Variants in MSTO1 observed in about 807,000 individuals in gnomAD.
The protein encoded by MSTO1 is protein misato homolog 1.
Under a neutral mutation model 55.7 loss-of-function variants are expected in MSTO1, and 24 were observed. That is an observed-to-expected ratio of 0.43 (90% CI 0.31 to 0.61). The LOEUF (loss-of-function observed/expected upper bound fraction) is 0.61, where lower values mean the gene tolerates loss of function less well. Ranked by LOEUF, MSTO1 falls within the 20% of genes least tolerant of loss-of-function variation. The pLI is 0.09. For missense variants in MSTO1, 363 were observed against 625.7 expected (o/e 0.58, Z 4.48); for synonymous variants, 162 against 252.8 (o/e 0.64, Z 3.41).
the MSTO1 span, among the ~76,000 whole-genome samples, chr1:155,600,507 CAT>C: frequency 1.3e-5 from 2 of 152,116 alleles, no homozygotes; most frequent in African/African-American, 4.8e-5. Context: ...TTCCCCACAG[CAT>C]ATGTCCCTTT....
chr1:155,612,706 C>T (rs1558267044), intron 9 of MSTO1, 136 bp downstream of exon 9: 3 of 1,396,598 alleles, frequency 2.1e-6, no homozygotes, highest in Non-Finnish European at 2.9e-6. Context: ...TCTCAGATCA[C>T]ACTGTCCTAT....
the MSTO1 span, among the ~76,000 whole-genome samples, chr1:155,583,221 TC>T: frequency 6.7e-6 from 1 of 148,396 alleles, no homozygotes; most frequent in African/African-American, 2.6e-5. Context: ...AGAAGGTATA[TC>T]TTTTTTTTTT....
chr1:155,582,523 G>T, the MSTO1 span, among the ~76,000 whole-genome samples: 1 of 151,800 alleles, frequency 6.6e-6, no homozygotes. Flanking sequence ...GCAGTGGCAC[G>T]ATCTCGGCTC....
the MSTO1 span, chr1:155,598,786 C>T: frequency 2.0e-6 from 2 of 1,016,290 alleles, no homozygotes; most frequent in Non-Finnish European, 3.1e-6. Context: ...TTCTAGTCAC[C>T]TTGTAGTCAC....
At chr1:155,596,903 G>C in the MSTO1 span, among the ~76,000 whole-genome samples, 3 of 152,172 alleles carry the variant, frequency 2.0e-5, no homozygotes, top group Non-Finnish European at 4.4e-5. Flanking sequence ...AGGAGTTCAA[G>C]ACCAACCTGG....
upstream of MSTO1, among the ~76,000 whole-genome samples, chr1:155,605,888 T>C (rs945723766): frequency 6.6e-6 from 1 of 152,136 alleles, no homozygotes; most frequent in African/African-American, 2.4e-5. Context: ...TTGTGGAAAA[T>C]AGAAAAGGGA....
chr1:155,610,090 T>C (rs1673490105), upstream of MSTO1: 4 of 702,746 alleles, frequency 5.7e-6, no homozygotes, highest in Non-Finnish European at 9.2e-6. Context: ...TAGGAAGAGG[T>C]AGGAAGGGAT....
chr1:155,612,440 G>T lies in MSTO1; in HGVS notation c.836G>T (p.Arg279Leu). 1 of 1,613,510 alleles carries T rather than the reference G, an allele frequency of 6.2e-7. No individual in the cohort carries two copies. The highest frequency in any genetic ancestry group is 8.5e-7 in the Non-Finnish European group (1 of 1,179,744). Reference protein sequence around the residue: ...HRGEAQRNIYRLLNTAFGLVH... With the variant: ...HRGEAQRNIYLLLNTAFGLVH... Reference sequence around the variant, plus strand: ...CAGGAGGCCCAGAGAAACATCTATCGTCTATTAAACACAGCTTTTGGTCTC... The same window carrying T: ...CAGGAGGCCCAGAGAAACATCTATCTTCTATTAAACACAGCTTTTGGTCTC... The change falls in exon 9 of 14, where the codon CGT (arginine) becomes CTT (leucine). Residue 279 changes from arginine to leucine, a missense_variant. Arg to Leu is a moderately radical substitution (Grantham distance 102, BLOSUM62 -2). This residue lies in a region of MSTO1 where 231 missense variants were observed against 286.9 expected (regional missense o/e 0.81). Coordinates refer to ENST00000245564, the MANE Select transcript of MSTO1 (RefSeq NM_018116.4).
At chr1:155,598,559 T>A in the MSTO1 span, among the ~76,000 whole-genome samples, 1 of 152,102 alleles carries the variant, frequency 6.6e-6, no homozygotes, top group African/African-American at 2.4e-5. Flanking sequence ...CTGTCTCTAC[T>A]AAAAATACAA....
chr1:155,596,109 A>G, the MSTO1 span, among the ~76,000 whole-genome samples: 1 of 152,212 alleles, frequency 6.6e-6, no homozygotes, highest in South Asian at 2.1e-4. Context: ...GTGTGGAAAG[A>G]AAAAAATAAT....
At chr1:155,609,890 G>T, upstream of MSTO1, 1 of 255,082 alleles carries the variant, frequency 3.9e-6, no homozygotes, top group South Asian at 6.1e-5. Context: ...CCAGCGGAGA[G>T]ATCTGTGAGA....
the MSTO1 span, among the ~76,000 whole-genome samples, chr1:155,568,827 TTTTTTCTTTTTC>T: frequency 6.6e-4 from 94 of 141,862 alleles, 1 homozygote; most frequent in East Asian, 0.011. Flanking sequence ...CCCCCGGCCT[TTTTTTCTTTTTC>T]TTTTTCTTTT....
At chr1:155,585,846 A>G in the MSTO1 span, among the ~76,000 whole-genome samples, 1 of 151,756 alleles carries the variant, frequency 6.6e-6, no homozygotes, top group Non-Finnish European at 1.5e-5. Context: ...CCATTATTCT[A>G]TTTGTTGTTC....
the MSTO1 span, among the ~76,000 whole-genome samples, chr1:155,581,537 A>C: frequency 6.6e-6 from 1 of 151,420 alleles, no homozygotes; most frequent in Non-Finnish European, 1.5e-5. Flanking sequence ...TCAATCTCCC[A>C]AGTAGCTGGG....
chr1:155,573,489 A>G, the MSTO1 span, among the ~76,000 whole-genome samples: 19 of 152,032 alleles, frequency 1.2e-4, no homozygotes, highest in African/African-American at 4.6e-4. Context: ...GCTTGAGCTC[A>G]GGAGTTTGAA....
upstream of MSTO1, among the ~76,000 whole-genome samples, chr1:155,609,231 A>C (rs1485708850): frequency 2.1e-5 from 1 of 46,720 alleles, no homozygotes; most frequent in Non-Finnish European, 4.8e-5. Flanking sequence ...ATATATATAT[A>C]TATATATATA....
chr1:155,603,913 C>A, the MSTO1 span, among the ~76,000 whole-genome samples: 13 of 151,810 alleles, frequency 8.6e-5, no homozygotes, highest in Non-Finnish European at 1.8e-4. Context: ...GGTAGAAGTT[C>A]TTTTACATTC....
the MSTO1 span, among the ~76,000 whole-genome samples, chr1:155,566,613 AT>A: frequency 1.2e-3 from 176 of 146,220 alleles, no homozygotes; most frequent in South Asian, 8.5e-3. Context: ...AATAAAGTTA[AT>A]TTTTTTTTTT....
At chr1:155,576,569 C>T in the MSTO1 span, among the ~76,000 whole-genome samples, 3 of 151,542 alleles carry the variant, frequency 2.0e-5, no homozygotes, top group South Asian at 6.3e-4. Flanking sequence ...TTGTGATCCG[C>T]CCACCTCAGC....
Sources: allele counts gnomAD v4.1 joint callset (sites outside exome capture counted in the v4.1 genomes callset), GRCh38; gene constraint gnomAD v4.1.1; regional missense constraint gnomAD v4.1.1; transcripts MANE v1.5; gene names NCBI Gene and HGNC (gene_info 2026-07-23, HGNC 2026-07-21).